The following ADAM18 variants were observed in gnomAD, a reference collection of about 807,000 sequenced individuals.
ADAM18 encodes the protein ADAM metallopeptidase domain 18.
A neutral mutation model predicts 94.4 loss-of-function variants in ADAM18; 117 were observed. The observed-to-expected ratio is 1.24, with a 90% CI of 1.07 to 1.45. The LOEUF is 1.45. Among genes scored for constraint, ADAM18 ranks in the 40% most tolerant of loss-of-function variants. The pLI, the probability that ADAM18 is intolerant of heterozygous loss-of-function variation, is 0.00. For missense variants in ADAM18, 936 were observed against 880.0 expected (o/e 1.06, Z -0.81); for synonymous variants, 327 against 291.6 (o/e 1.12, Z -1.24).
At chr8:39,620,937 T>A (rs1819597475) in intron 6 of ADAM18, among the ~76,000 whole-genome samples, 2 of 151,868 alleles carry the variant, frequency 1.3e-5, no homozygotes, top group Non-Finnish European at 2.9e-5. Flanking sequence ...GGGTGATGGA[T>A]ACCCTAAAAG....
intron 18 of ADAM18, among the ~76,000 whole-genome samples, chr8:39,722,514 G>T (rs1181027859): frequency 6.6e-6 from 1 of 150,712 alleles, no homozygotes; most frequent in Non-Finnish European, 1.5e-5. Context: ...TAGACACTGG[G>T]GACTCCAAAA....
chr8:39,648,486 A>T lies in ADAM18; in HGVS notation c.1189A>T (p.Ile397Phe), dbSNP rs1479618216. ...HQNQPVCGNGILESNEECDCG... is the reference protein window; with the variant it reads ...HQNQPVCGNGFLESNEECDCG... ...AAATCAACCAGTGTGTGGTAATGGG[A>T]TTTTGGAATCCAATGAAGAATGTGA... Residue 397 changes from isoleucine to phenylalanine, a missense_variant, in exon 12 of 20, where the codon ATT becomes TTT. Transcript: ENST00000265707. 3 of 1,611,544 alleles carry T rather than the reference A, an allele frequency of 1.9e-6. No individual in the cohort carries two copies. The highest frequency in any genetic ancestry group is 2.5e-6 in the Non-Finnish European group (3 of 1,178,878).
chr8:39,703,173 T>C (rs1057197200), intron 17 of ADAM18, among the ~76,000 whole-genome samples: 3 of 152,222 alleles, frequency 2.0e-5, no homozygotes, highest in Admixed American at 6.5e-5. Flanking sequence ...CAATGTTTTG[T>C]AGTTCTTGTA....
At chr8:39,727,288 C>G (rs896966861) in intron 19 of ADAM18, among the ~76,000 whole-genome samples, 2 of 152,172 alleles carry the variant, frequency 1.3e-5, no homozygotes, top group African/African-American at 2.4e-5. Flanking sequence ...TGCTCCACAG[C>G]CTACTTGAAT....
chr8:39,631,134 C>T (rs1819921024), intron 7 of ADAM18, among the ~76,000 whole-genome samples: 1 of 151,782 alleles, frequency 6.6e-6, no homozygotes, highest in Non-Finnish European at 1.5e-5. Flanking sequence ...TGTATTAAGG[C>T]TATTTTCTCG....
chr8:39,629,333 C>G (rs751589551), intron 6 of ADAM18, 41 bp from the exon 7 acceptor site: 2 of 1,434,226 alleles, frequency 1.4e-6, no homozygotes, highest in Non-Finnish European at 9.6e-7. Context: ...AAATTCAATA[C>G]ATGTTAACAT....
chr8:39,723,422 C>T (rs1822813729), intron 18 of ADAM18, among the ~76,000 whole-genome samples: 1 of 151,464 alleles, frequency 6.6e-6, no homozygotes, highest in African/African-American at 2.4e-5. Flanking sequence ...ATGGTGGTTT[C>T]TCAAAGTATA....
Position 39,590,027 on chromosome 8 carries a change from C to A in ADAM18, c.132+4675C>A, listed in dbSNP as rs929497843. On this transcript the variant is annotated intron_variant, in intron 2 of 19. Transcript: ENST00000265707. ...TCAACCATTGTGGAAGTCAGTGTGGCAATTCCTCAGGGATCTAGAACTAGA... is the reference window on the plus strand; with the variant it reads ...TCAACCATTGTGGAAGTCAGTGTGGAAATTCCTCAGGGATCTAGAACTAGA... 2.9e-4 allele frequency among the ~76,000 whole-genome samples: 44 copies of A among 149,540 alleles called. 1 individual carries two copies. Among genetic ancestry groups the A allele is most frequent in the Non-Finnish European group, 5.9e-4 (40 of 67,522 alleles).
At chr8:39,626,196 T>G (rs1182246483) in intron 6 of ADAM18, among the ~76,000 whole-genome samples, 2 of 152,218 alleles carry the variant, frequency 1.3e-5, no homozygotes, top group Non-Finnish European at 2.9e-5. Flanking sequence ...CTAGTTTGTG[T>G]GCATAGAAGT....
chr8:39,643,230 CAGAT>C (rs1372285309), intron 10 of ADAM18, among the ~76,000 whole-genome samples: 16 of 152,074 alleles, frequency 1.1e-4, no homozygotes, highest in African/African-American at 3.4e-4. Flanking sequence ...TCTGCAAACA[CAGAT>C]AGTTTGACTT....
intron 18 of ADAM18, among the ~76,000 whole-genome samples, chr8:39,716,047 G>A (rs1010152226): frequency 6.6e-6 from 1 of 151,878 alleles, no homozygotes; most frequent in East Asian, 1.9e-4. Context: ...CAGATTTTAT[G>A]TCTCTCCTTT....
rs534048017 is a variant in ADAM18, at chr8:39,610,140, G to A, written c.345-389G>A. 6.3e-4 allele frequency among the ~76,000 whole-genome samples: 96 copies of A among 152,236 alleles called. 2 individuals are homozygous for A. The South Asian group carries it at 0.019, about 31-fold the overall frequency. On this transcript the variant is annotated intron_variant, in intron 5 of 19. Transcript: ENST00000265707. Reference sequence around the variant, plus strand: ...CTCAGAAACTTGGCATTCTCTGAATGTGGTTTTTATAGATAACAACCTCAT... The same window carrying A: ...CTCAGAAACTTGGCATTCTCTGAATATGGTTTTTATAGATAACAACCTCAT...
chr8:39,684,923 T>G (rs1018369509), intron 16 of ADAM18, among the ~76,000 whole-genome samples: 1 of 152,126 alleles, frequency 6.6e-6, no homozygotes, highest in African/African-American at 2.4e-5. Context: ...CCTGTTCTGT[T>G]CTGTTTCACT....
At chr8:39,706,267 T>C (rs1822239056) in intron 17 of ADAM18, among the ~76,000 whole-genome samples, 1 of 152,128 alleles carries the variant, frequency 6.6e-6, no homozygotes. Context: ...TATTTTATTA[T>C]GGAAAATATA....
At chr8:39,649,208 TCAC>T (rs879522075) in intron 12 of ADAM18, among the ~76,000 whole-genome samples, 1 of 152,104 alleles carries the variant, frequency 6.6e-6, no homozygotes, top group Non-Finnish European at 1.5e-5. Flanking sequence ...TAAACAGCTG[TCAC>T]CACATTTTAA....
chr8:39,623,692 G>A (rs997861108), intron 6 of ADAM18, among the ~76,000 whole-genome samples: 6 of 152,152 alleles, frequency 3.9e-5, no homozygotes, highest in East Asian at 3.9e-4. Flanking sequence ...CGCCTCCCGG[G>A]TTCACGCCAC....
At chr8:39,638,579 T>G in intron 10 of ADAM18, 33 bp downstream of exon 10, 2 of 1,297,928 alleles carry the variant, frequency 1.5e-6, no homozygotes, top group African/African-American at 3.0e-5. Flanking sequence ...TACATCACTA[T>G]TTTTAGGCCT....
chr8:39,676,410 G>T, intron 14 of ADAM18, among the ~76,000 whole-genome samples: 1 of 152,326 alleles, frequency 6.6e-6, no homozygotes, highest in East Asian at 1.9e-4. Context: ...AGACTGCTGC[G>T]CTAGCAGTGA....
chr8:39,728,523 TATC>T (rs920863627), intron 19 of ADAM18, among the ~76,000 whole-genome samples: 4 of 152,254 alleles, frequency 2.6e-5, no homozygotes, highest in African/African-American at 4.8e-5. Context: ...TATTATCAAT[TATC>T]ATGTGAATTA....
Sources: gnomAD v4.1 joint callset for allele counts (sites outside exome capture counted in the v4.1 genomes callset) on GRCh38, gnomAD v4.1.1 for gene constraint, MANE v1.5 for transcripts, NCBI Gene and HGNC (gene_info 2026-07-23, HGNC 2026-07-21) for gene names.